EPHA3: variants seen among roughly 807,000 people sequenced by gnomAD.
EPHA3 encodes ephrin type-A receptor 3.
EPHA3 carries 42 observed loss-of-function variants against 107.1 expected under a neutral mutation model. The ratio of observed to expected loss-of-function variants is 0.39; its 90% CI spans 0.31 to 0.51. The LOEUF (loss-of-function observed/expected upper bound fraction) is 0.51, where lower values mean the gene tolerates loss of function less well. Ranked by LOEUF, EPHA3 falls within the 20% of genes least tolerant of loss-of-function variation. The probability of loss-of-function intolerance (pLI) is 0.78; values close to 1 mark genes in which losing one functional copy is unlikely to be tolerated. For missense variants in EPHA3, 1,183 were observed against 1,211.2 expected (o/e 0.98, Z 0.35); for synonymous variants, 461 against 424.8 (o/e 1.09, Z -1.05).
At chr3:89,114,314 G>A (rs574613847) in intron 1 of EPHA3, among the ~76,000 whole-genome samples, 1 of 152,276 alleles carries the variant, frequency 6.6e-6, no homozygotes, top group South Asian at 2.1e-4. Context: ...ACAGGGAGAT[G>A]AGCAAGTGTT....
At chr3:89,351,812 A>T (rs1283572040) in intron 5 of EPHA3, among the ~76,000 whole-genome samples, 1 of 151,064 alleles carries the variant, frequency 6.6e-6, no homozygotes, top group African/African-American at 2.4e-5. Context: ...GCAAAAACAA[A>T]TTGATGTTCT....
intron 16 of EPHA3, among the ~76,000 whole-genome samples, chr3:89,476,585 T>TTTTATTTATTTATTTATTTA (rs60237041): frequency 3.1e-5 from 4 of 129,088 alleles, no homozygotes; most frequent in African/African-American, 1.1e-4. Flanking sequence ...CTATTATTAT[T>TTTTATTTATTTATTTATTTA]TTTATTTATT....
At chr3:89,165,383 T>C (rs1241383967) in intron 2 of EPHA3, among the ~76,000 whole-genome samples, 1 of 152,230 alleles carries the variant, frequency 6.6e-6, no homozygotes, top group African/African-American at 2.4e-5. Flanking sequence ...AAAGAAATTA[T>C]ACTTTTCGTA....
intron 3 of EPHA3, among the ~76,000 whole-genome samples, chr3:89,239,685 A>G (rs1281828525): frequency 6.6e-6 from 1 of 152,178 alleles, no homozygotes; most frequent in Non-Finnish European, 1.5e-5. Flanking sequence ...CTTCTCTTTT[A>G]TGACCTTTTG....
At chr3:89,476,200 T>A (rs1384518703) in intron 16 of EPHA3, among the ~76,000 whole-genome samples, 2 of 147,180 alleles carry the variant, frequency 1.4e-5, no homozygotes, top group Non-Finnish European at 3.0e-5. Context: ...TATATATATA[T>A]AAACATGTAT....
intron 5 of EPHA3, among the ~76,000 whole-genome samples, chr3:89,369,547 A>G (rs1315439701): frequency 6.7e-6 from 1 of 150,324 alleles, no homozygotes; most frequent in Non-Finnish European, 1.5e-5. Context: ...TAAAACCATA[A>G]AAACCCTAGA....
At chr3:89,337,928 T>C (rs773660106) in intron 3 of EPHA3, among the ~76,000 whole-genome samples, 4 of 152,228 alleles carry the variant, frequency 2.6e-5, no homozygotes, top group Non-Finnish European at 5.9e-5. Flanking sequence ...AAACACATCA[T>C]GCTGAATTTC....
At chr3:89,160,318 G>A (rs1704902278) in intron 2 of EPHA3, among the ~76,000 whole-genome samples, 1 of 152,006 alleles carries the variant, frequency 6.6e-6, no homozygotes, top group South Asian at 2.1e-4. Context: ...GATAGAAAAA[G>A]CAGTGTAGCA....
At chr3:89,123,431 C>T (rs1707434987) in intron 1 of EPHA3, among the ~76,000 whole-genome samples, 1 of 152,144 alleles carries the variant, frequency 6.6e-6, no homozygotes, top group Non-Finnish European at 1.5e-5. Flanking sequence ...GCATGAGCCA[C>T]CGCGCCCGCC....
chr3:89,286,656 A>G (rs115050476), intron 3 of EPHA3, among the ~76,000 whole-genome samples: 178 of 152,284 alleles, frequency 1.2e-3, no homozygotes, highest in Non-Finnish European at 2.1e-3. Flanking sequence ...CAATGGAAAA[A>G]TGTCATTTAC....
At chr3:89,424,774 T>G (rs943594629) in intron 11 of EPHA3, among the ~76,000 whole-genome samples, 2 of 151,518 alleles carry the variant, frequency 1.3e-5, no homozygotes, top group African/African-American at 4.8e-5. Flanking sequence ...TACATTATTG[T>G]GCTTACTGCA....
At chr3:89,358,978 C>T (rs779002472) in intron 5 of EPHA3, among the ~76,000 whole-genome samples, 2 of 151,116 alleles carry the variant, frequency 1.3e-5, no homozygotes, top group Non-Finnish European at 3.0e-5. Flanking sequence ...TGCAGTAAAA[C>T]TCACCACATT....
intron 7 of EPHA3, among the ~76,000 whole-genome samples, chr3:89,403,036 TG>T (rs1708996414): frequency 6.6e-6 from 1 of 152,238 alleles, no homozygotes; most frequent in African/African-American, 2.4e-5. Context: ...GCATATTTCT[TG>T]GTAGAACACA....
intron 11 of EPHA3, among the ~76,000 whole-genome samples, chr3:89,427,227 A>AT (rs1296572298): frequency 1.3e-5 from 2 of 152,002 alleles, no homozygotes; most frequent in East Asian, 1.9e-4. Flanking sequence ...ATTTAAATAG[A>AT]TTTTTCCTTA....
At chr3:89,141,755 G>A (rs1366045519) in intron 2 of EPHA3, among the ~76,000 whole-genome samples, 8 of 151,388 alleles carry the variant, frequency 5.3e-5, no homozygotes, top group African/African-American at 1.9e-4. Context: ...ACACACATAC[G>A]TCTAGGTGTG....
rs970962225 is a variant in EPHA3, at chr3:89,197,412, A to T, written c.154-12448A>T. Among the ~76,000 whole-genome samples the T allele has an allele frequency of 0.015, 19 of 1,230 alleles. 1 individual carries two copies. In the South Asian group the frequency reaches 0.22, roughly 15 times the overall value. The allele number at this position is 1,230 out of a possible 152,430, so 0.8% of individuals were successfully genotyped here. On this transcript the variant is annotated intron_variant, in intron 2 of 16. Coordinates refer to ENST00000336596, the MANE Select transcript of EPHA3 (RefSeq NM_005233.6). Reference sequence around the variant, plus strand: ...CTGCCTGGTATGAAATAAAAACATAAAAAAAAACATAAAAACATAAAAAAA... The same window carrying T: ...CTGCCTGGTATGAAATAAAAACATATAAAAAAACATAAAAACATAAAAAAA...
At chr3:89,342,231 A>G in intron 5 of EPHA3, 141 bp downstream of exon 5, 1 of 643,680 alleles carries the variant, frequency 1.6e-6, no homozygotes, top group Non-Finnish European at 2.6e-6. Flanking sequence ...TTAAACAGTT[A>G]TGGCACATTA....
chr3:89,131,183 A>G (rs1281953529), intron 2 of EPHA3, among the ~76,000 whole-genome samples: 4 of 35,774 alleles, frequency 1.1e-4, no homozygotes, highest in Admixed American at 9.5e-4. Context: ...TGACACTCAT[A>G]TAATCTGGCA....
At chr3:89,472,019 C>T (rs1710412889) in intron 15 of EPHA3, among the ~76,000 whole-genome samples, 1 of 152,066 alleles carries the variant, frequency 6.6e-6, no homozygotes, top group Non-Finnish European at 1.5e-5. Flanking sequence ...AGACAGCAAC[C>T]TGTGCAATGT....
Sources: gnomAD v4.1 joint callset for allele counts (sites outside exome capture counted in the v4.1 genomes callset) on GRCh38, gnomAD v4.1.1 for gene constraint, MANE v1.5 for transcripts, NCBI Gene and HGNC (gene_info 2026-07-23, HGNC 2026-07-21) for gene names.